The following MACROD2 variants were observed in gnomAD, a reference collection of about 807,000 sequenced individuals.
The protein encoded by MACROD2 is mono-ADP ribosylhydrolase 2, also known as ADP-ribose glycohydrolase MACROD2.
Under a neutral mutation model 70.4 loss-of-function variants are expected in MACROD2, and 36 were observed. The ratio of observed to expected loss-of-function variants is 0.51; its 90% CI spans 0.39 to 0.68. The LOEUF (loss-of-function observed/expected upper bound fraction) is 0.68, where lower values mean the gene tolerates loss of function less well. Ranked by LOEUF, MACROD2 falls within the 30% of genes least tolerant of loss-of-function variation. The pLI, the probability that MACROD2 is intolerant of heterozygous loss-of-function variation, is 0.00. For synonymous variants in MACROD2, 172 were observed against 178.8 expected, an observed-to-expected ratio of 0.96 and a Z score of 0.30; for missense variants, 496 against 538.4, an observed-to-expected ratio of 0.92 and a Z score of 0.78.
intron 6 of MACROD2, among the ~76,000 whole-genome samples, chr20:15,340,763 G>A (rs551699623): frequency 4.3e-4 from 63 of 147,872 alleles, no homozygotes; most frequent in African/African-American, 1.4e-3. Context: ...ACTCCACCCC[G>A]CAAACACACA....
At chr20:15,907,515 A>G (rs1014794382) in intron 10 of MACROD2, among the ~76,000 whole-genome samples, 2 of 152,260 alleles carry the variant, frequency 1.3e-5, no homozygotes, top group East Asian at 1.9e-4. Context: ...TGTCCATTAT[A>G]TAACACCAAA....
chr20:15,157,600 G>A (rs577041265), intron 5 of MACROD2, among the ~76,000 whole-genome samples: 66 of 152,192 alleles, frequency 4.3e-4, no homozygotes, highest in African/African-American at 1.5e-3. Context: ...AAGCTCAACA[G>A]CTAGTGTTGA....
chr20:14,760,953 G>T (rs891558703), intron 5 of MACROD2, among the ~76,000 whole-genome samples: 1 of 152,050 alleles, frequency 6.6e-6, no homozygotes, highest in African/African-American at 2.4e-5. Flanking sequence ...CTCTGTTCTT[G>T]TTCTCTTTGA....
chr20:15,140,965 CA>C (rs542316564), intron 5 of MACROD2, among the ~76,000 whole-genome samples: 68 of 152,324 alleles, frequency 4.5e-4, no homozygotes, highest in Non-Finnish European at 8.8e-4. Flanking sequence ...CCATGTAAAT[CA>C]CTGTTCACAT....
intron 8 of MACROD2, among the ~76,000 whole-genome samples, chr20:15,626,629 C>T (rs2049206532): frequency 6.6e-6 from 1 of 152,176 alleles, no homozygotes; most frequent in South Asian, 2.1e-4. Context: ...CTGAGGTGGG[C>T]AGATCACTTG....
chr20:15,572,778 T>G (rs1301895238), intron 8 of MACROD2, among the ~76,000 whole-genome samples: 1 of 152,106 alleles, frequency 6.6e-6, no homozygotes, highest in African/African-American at 2.4e-5. Context: ...CTGAAATTGA[T>G]GGAGTGTATG....
chr20:14,569,097 T>A (rs1332826182), intron 4 of MACROD2, among the ~76,000 whole-genome samples: 1 of 152,092 alleles, frequency 6.6e-6, no homozygotes. Context: ...CATGATTCTC[T>A]TACAACCGGC....
At chr20:15,680,824 T>C (rs879489984) in intron 8 of MACROD2, among the ~76,000 whole-genome samples, 1 of 152,150 alleles carries the variant, frequency 6.6e-6, no homozygotes, top group Non-Finnish European at 1.5e-5. Context: ...TAGAACATAT[T>C]GATGATTTCA....
chr20:15,987,281 C>T (rs2066499549), intron 15 of MACROD2, 123 bp downstream of exon 15: 4 of 746,390 alleles, frequency 5.4e-6, no homozygotes, highest in Non-Finnish European at 8.6e-6. Flanking sequence ...ACGAACATTT[C>T]CTTAACCCCA....
chr20:15,522,341 T>C (rs192653072), intron 8 of MACROD2, among the ~76,000 whole-genome samples: 1 of 152,302 alleles, frequency 6.6e-6, no homozygotes, highest in East Asian at 1.9e-4. Context: ...AGATATCTTT[T>C]GAAAAGTACA....
At chr20:15,555,828 CAAAA>C (rs397838341) in intron 8 of MACROD2, among the ~76,000 whole-genome samples, 9 of 18,566 alleles carry the variant, frequency 4.8e-4, no homozygotes, top group African/African-American at 1.2e-3. Context: ...GACTCCATCT[CAAAA>C]AAAAAAAAAA....
intron 5 of MACROD2, among the ~76,000 whole-genome samples, chr20:15,229,339 G>A (rs1441319778): frequency 1.3e-5 from 2 of 152,140 alleles, no homozygotes; most frequent in Non-Finnish European, 2.9e-5. Flanking sequence ...ATTAAAATAG[G>A]TATGAACTAT....
At chr20:15,968,931 G>A (rs894697486) in intron 13 of MACROD2, among the ~76,000 whole-genome samples, 3 of 151,048 alleles carry the variant, frequency 2.0e-5, no homozygotes, top group African/African-American at 7.3e-5. Flanking sequence ...TGAGCTCTGG[G>A]AGGCAATGAA....
intron 8 of MACROD2, among the ~76,000 whole-genome samples, chr20:15,683,344 ATC>A (rs1413139270): frequency 6.6e-6 from 1 of 152,214 alleles, no homozygotes; most frequent in East Asian, 1.9e-4. Flanking sequence ...GAATTGTTCA[ATC>A]TCTCTTTTTT....
intron 8 of MACROD2, among the ~76,000 whole-genome samples, chr20:15,646,386 T>A (rs2049541497): frequency 6.6e-6 from 1 of 152,194 alleles, no homozygotes; most frequent in Admixed American, 6.5e-5. Flanking sequence ...ATGGCTAAAA[T>A]GTATTAAGGT....
At chr20:14,025,055 A>G (rs1254586903) in intron 2 of MACROD2, among the ~76,000 whole-genome samples, 1 of 151,938 alleles carries the variant, frequency 6.6e-6, no homozygotes, top group Non-Finnish European at 1.5e-5. Context: ...TGAACTTGTT[A>G]TGGTTTATTC....
chr20:14,543,586 G>GT (rs2085458467), intron 4 of MACROD2, among the ~76,000 whole-genome samples: 1 of 152,048 alleles, frequency 6.6e-6, no homozygotes, highest in African/African-American at 2.4e-5. Context: ...CATACATTTA[G>GT]AAACTTCTAT....
chr20:14,311,578 C>T (rs544109109), intron 3 of MACROD2, among the ~76,000 whole-genome samples: 2 of 152,066 alleles, frequency 1.3e-5, no homozygotes, highest in Non-Finnish European at 1.5e-5. Flanking sequence ...AGTGCAGTGG[C>T]GTGATCTTGG....
intron 13 of MACROD2, among the ~76,000 whole-genome samples, chr20:15,982,263 G>T (rs905488940): frequency 3.5e-4 from 53 of 152,094 alleles, no homozygotes; most frequent in African/African-American, 1.3e-3. Context: ...GTACAAACAA[G>T]TTCTTTTTGG....
Sources: allele counts gnomAD v4.1 joint callset (sites outside exome capture counted in the v4.1 genomes callset), GRCh38; gene constraint gnomAD v4.1.1; transcripts MANE v1.5; gene names NCBI Gene and HGNC (gene_info 2026-07-23, HGNC 2026-07-21).